KLHL2: variants seen among roughly 807,000 people sequenced by gnomAD.
KLHL2 encodes kelch like family member 2.
In KLHL2, 15 loss-of-function variants were observed where a neutral mutation model predicts 75.8. The ratio of observed to expected loss-of-function variants is 0.20; its 90% confidence interval spans 0.13 to 0.30. KLHL2 has a LOEUF of 0.30. KLHL2 is among the 10% of genes least tolerant of loss of function. The pLI, the probability that KLHL2 is intolerant of heterozygous loss-of-function variation, is 1.00. For synonymous variants in KLHL2, 214 were observed against 251.9 expected (o/e 0.85, Z 1.42); for missense variants, 381 against 741.0 (o/e 0.51, Z 5.64).
At chr4:165,215,756 A>G (rs1360120343) in intron 1 of KLHL2, among the ~76,000 whole-genome samples, 1 of 152,090 alleles carries the variant, frequency 6.6e-6, no homozygotes, top group Non-Finnish European at 1.5e-5. Flanking sequence ...CATATTTTCT[A>G]AAGCATTTGT....
intron 2 of KLHL2, among the ~76,000 whole-genome samples, chr4:165,227,278 A>G (rs1049475355): frequency 3.3e-5 from 5 of 152,212 alleles, no homozygotes; most frequent in African/African-American, 1.2e-4. Context: ...CTCATCAGCA[A>G]TGAGGCCCTG....
Position 165,238,876 on chromosome 4 carries a change from C to T in KLHL2, c.358C>T (p.Gln120Ter). The T allele has an allele frequency of 6.2e-7, 1 of 1,613,842 alleles. No individual in the cohort carries two copies. Residue 120 changes from glutamine to a stop codon, truncating the protein, a stop_gained, in exon 4 of 15, where the codon CAG becomes TAG. Transcript: ENST00000226725. LOFTEE classifies it high-confidence loss of function. Reference sequence around the variant, plus strand: ...TGATTATGTTTACACTGCAGAAATTCAGGTTACAGAAGAAAATGTACAGGT... The same window carrying T: ...TGATTATGTTTACACTGCAGAAATTTAGGTTACAGAAGAAAATGTACAGGT... ...LIDYVYTAEI[Q>*]VTEENVQVLL... is the part of the protein sequence containing the mutation.
Position 165,303,270 on chromosome 4 carries a change from T to C in KLHL2, c.922-2338T>C, listed in dbSNP as rs79631442. Reference sequence around the variant, plus strand: ...AACTATTGCGTGGAAATAGAAATCTTATATTCAAACTTTGAGGATTATGAA... The same window carrying C: ...AACTATTGCGTGGAAATAGAAATCTCATATTCAAACTTTGAGGATTATGAA... On this transcript the variant is annotated intron_variant, in intron 8 of 14. Coordinates refer to ENST00000226725, the MANE Select transcript of KLHL2 (RefSeq NM_007246.4). 3.5e-3 allele frequency among the ~76,000 whole-genome samples: 539 copies of C among 152,324 alleles called. 1 individual carries two copies. The highest frequency in any genetic ancestry group is 6.0e-3 in the Non-Finnish European group (411 of 68,022).
At chr4:165,208,909 C>CA (rs1407760307) in intron 1 of KLHL2, among the ~76,000 whole-genome samples, 2 of 152,172 alleles carry the variant, frequency 1.3e-5, no homozygotes, top group Admixed American at 1.3e-4. Flanking sequence ...TGTACCGCAC[C>CA]AGTCTCTTGT....
chr4:165,209,848 A>C (rs747135538), intron 1 of KLHL2: 16 of 434,828 alleles, frequency 3.7e-5, no homozygotes, highest in Non-Finnish European at 5.3e-5. Flanking sequence ...ACCTAATTCA[A>C]GAACTCGTTA....
At chr4:165,240,471 C>G (rs1579020370) in intron 4 of KLHL2, 1 of 151,772 alleles carries the variant, frequency 6.6e-6, no homozygotes, top group African/African-American at 2.4e-5. Flanking sequence ...TGAGGTAAGG[C>G]ATTTGAAAAA....
At chr4:165,241,565 C>G (rs1739818457) in intron 4 of KLHL2, among the ~76,000 whole-genome samples, 1 of 152,080 alleles carries the variant, frequency 6.6e-6, no homozygotes, top group Non-Finnish European at 1.5e-5. Context: ...GACCTAGACT[C>G]AAATCTTTTA....
At chr4:165,235,596 A>G (rs1429041587) in intron 3 of KLHL2, among the ~76,000 whole-genome samples, 1 of 152,238 alleles carries the variant, frequency 6.6e-6, no homozygotes, top group Admixed American at 6.5e-5. Flanking sequence ...ACTAGATGTC[A>G]GACATGTTAT....
intron 14 of KLHL2, chr4:165,321,448 A>C (rs1367681266): frequency 5.2e-6 from 2 of 381,008 alleles, no homozygotes; most frequent in East Asian, 7.3e-5. Context: ...TAAGAATACA[A>C]TATATAACAC....
At chr4:165,299,856 G>A (rs537672736) in intron 8 of KLHL2, among the ~76,000 whole-genome samples, 200 bp downstream of exon 8, 8 of 152,204 alleles carry the variant, frequency 5.3e-5, no homozygotes, top group African/African-American at 1.2e-4. Context: ...TCTTTGGTCC[G>A]TTTAATTTTT....
intron 13 of KLHL2, among the ~76,000 whole-genome samples, chr4:165,315,007 A>G (rs1437488297): frequency 6.6e-6 from 1 of 152,158 alleles, no homozygotes; most frequent in Non-Finnish European, 1.5e-5. Flanking sequence ...AACTGCAGAT[A>G]CTGTTGGCAG....
chr4:165,311,622 C>A, intron 11 of KLHL2, 57 bp downstream of exon 11: 2 of 1,231,722 alleles, frequency 1.6e-6, no homozygotes, highest in Non-Finnish European at 2.4e-6. Context: ...GAGAGTGGTT[C>A]TTCCAGTAAT....
chr4:165,235,587 C>T (rs112447614), intron 3 of KLHL2, among the ~76,000 whole-genome samples: 29,661 of 151,510 alleles, frequency 0.2, 3,019 homozygotes, highest in Non-Finnish European at 0.28. Context: ...TGGGTATCTA[C>T]TAGATGTCAG....
At chr4:165,263,913 C>A (rs769724368) in intron 5 of KLHL2, among the ~76,000 whole-genome samples, 2 of 142,186 alleles carry the variant, frequency 1.4e-5, no homozygotes, top group Non-Finnish European at 3.0e-5. Context: ...GAAAAGTAGA[C>A]CAATAGAAGC....
intron 5 of KLHL2, among the ~76,000 whole-genome samples, chr4:165,269,002 G>A (rs1048914060): frequency 2.6e-5 from 4 of 152,160 alleles, no homozygotes; most frequent in Admixed American, 2.6e-4. Context: ...GGGTGCTTCT[G>A]TATTGGGTAC....
At chr4:165,300,854 A>G (rs1331455912) in intron 8 of KLHL2, among the ~76,000 whole-genome samples, 1 of 152,036 alleles carries the variant, frequency 6.6e-6, no homozygotes, top group Non-Finnish European at 1.5e-5. Context: ...TTTCCATTGA[A>G]TTGTTTTTTA....
intron 1 of KLHL2, among the ~76,000 whole-genome samples, chr4:165,219,108 C>G (rs1417697642): frequency 1.3e-5 from 2 of 152,052 alleles, no homozygotes; most frequent in Non-Finnish European, 2.9e-5. Flanking sequence ...ATTTTATGTC[C>G]TAAGTCTTGA....
At chr4:165,225,097 A>G (rs963399577) in intron 2 of KLHL2, among the ~76,000 whole-genome samples, 6 of 152,126 alleles carry the variant, frequency 3.9e-5, no homozygotes, top group African/African-American at 9.7e-5. Flanking sequence ...GGAAGGACCA[A>G]TTTTCATGAT....
chr4:165,234,950 G>C (rs1162779442), intron 3 of KLHL2, among the ~76,000 whole-genome samples: 1 of 152,024 alleles, frequency 6.6e-6, no homozygotes, highest in African/African-American at 2.4e-5. Context: ...AGTGAGCTGT[G>C]ATTACGCAAT....
Sources: gnomAD v4.1 joint callset for allele counts (sites outside exome capture counted in the v4.1 genomes callset) on GRCh38, gnomAD v4.1.1 for gene constraint, MANE v1.5 for transcripts, NCBI Gene and HGNC (gene_info 2026-07-23, HGNC 2026-07-21) for gene names.